Variants in STK32B observed in about 807,000 individuals in gnomAD.
STK32B encodes the protein serine/threonine-protein kinase 32B.
In STK32B, 43 loss-of-function variants were observed where a neutral mutation model predicts 52.6. The observed-to-expected ratio is 0.82, with a 90% confidence interval of 0.64 to 1.05. The LOEUF (loss-of-function observed/expected upper bound fraction) is 1.05. STK32B is among the 50% of genes least tolerant of loss of function. STK32B has a pLI of 0.00. For synonymous variants in STK32B, 238 were observed against 204.3 expected (o/e 1.17, Z -1.41); for missense variants, 621 against 534.6 (o/e 1.16, Z -1.59).
intron 3 of STK32B, among the ~76,000 whole-genome samples, chr4:5,271,942 A>G (rs1005478513): frequency 1.0e-4 from 15 of 148,144 alleles, no homozygotes; most frequent in Non-Finnish European, 1.9e-4. Context: ...CAATCATGTC[A>G]TCTGCAAACA....
chr4:5,187,694 T>C (rs537661555), intron 3 of STK32B, among the ~76,000 whole-genome samples: 1 of 152,178 alleles, frequency 6.6e-6, no homozygotes, highest in Admixed American at 6.5e-5. Flanking sequence ...GATTTCAAAC[T>C]AACAATATGG....
intron 1 of STK32B, among the ~76,000 whole-genome samples, chr4:5,126,606 T>A (rs1448212401): frequency 6.6e-6 from 1 of 152,246 alleles, no homozygotes; most frequent in Non-Finnish European, 1.5e-5. Context: ...GGAAACATCA[T>A]TTTGTCATTT....
At chr4:5,483,609 T>A (rs1718905218) in intron 11 of STK32B, among the ~76,000 whole-genome samples, 2 of 152,310 alleles carry the variant, frequency 1.3e-5, no homozygotes, top group East Asian at 3.9e-4. Flanking sequence ...CTGATCTTAG[T>A]TATTTCTTGC....
intron 2 of STK32B, among the ~76,000 whole-genome samples, chr4:5,165,213 C>G (rs570320391): frequency 1.5e-4 from 23 of 152,180 alleles, no homozygotes; most frequent in Non-Finnish European, 3.1e-4. Context: ...GCCAAGACCC[C>G]TGATCCTTGG....
chr4:5,038,369 T>C, the STK32B span, among the ~76,000 whole-genome samples: 1 of 152,218 alleles, frequency 6.6e-6, no homozygotes, highest in South Asian at 2.1e-4. Context: ...TAGTCATGCA[T>C]TGCTTAATGA....
intron 3 of STK32B, among the ~76,000 whole-genome samples, chr4:5,235,968 AGGAGGGGATG>A (rs1255493851): frequency 2.0e-5 from 3 of 152,042 alleles, no homozygotes; most frequent in Admixed American, 6.5e-5. Flanking sequence ...GGGGACCAGC[AGGAGGGGATG>A]GGAGGGGATT....
At chr4:5,073,409 A>C (rs1406261627) in intron 1 of STK32B, among the ~76,000 whole-genome samples, 1 of 152,014 alleles carries the variant, frequency 6.6e-6, no homozygotes, top group Non-Finnish European at 1.5e-5. Context: ...TAATAGTATA[A>C]TTCCATTTTC....
intron 1 of STK32B, among the ~76,000 whole-genome samples, chr4:5,088,940 C>G (rs990713140): frequency 1.3e-5 from 2 of 150,588 alleles, no homozygotes; most frequent in Non-Finnish European, 3.0e-5. Flanking sequence ...GGAAATGCTA[C>G]GAATTAGAAT....
chr4:5,170,348 G>T (rs923846728), intron 3 of STK32B, among the ~76,000 whole-genome samples: 2 of 152,010 alleles, frequency 1.3e-5, no homozygotes, highest in Non-Finnish European at 1.5e-5. Context: ...TAGGGTACAT[G>T]TGCACAACGT....
rs557365176 is a variant in STK32B at position 5,294,590 on chromosome 4, A to G, written c.261-36630A>G. On this transcript the variant is annotated intron_variant, in intron 3 of 11. Coordinates refer to ENST00000282908, the MANE Select transcript of STK32B (RefSeq NM_018401.3). ...CTCTCTGTTTGTCTGTTATTTGTGT[A>G]TAGGAACGCTTGTAATTTTTCCCAT... Among the ~76,000 whole-genome samples the G allele has an allele frequency of 2.1e-4, 32 of 152,228 alleles. 1 individual carries two copies. Among genetic ancestry groups the G allele is most frequent in the Admixed American group, 2.1e-3 (32 of 15,278 alleles).
At chr4:5,051,112 TG>T (rs1741753319), upstream of STK32B, among the ~76,000 whole-genome samples, 1 of 152,086 alleles carries the variant, frequency 6.6e-6, no homozygotes, top group Non-Finnish European at 1.5e-5. Context: ...CATCCCAATA[TG>T]AATGGGCAAA....
intron 2 of STK32B, among the ~76,000 whole-genome samples, chr4:5,167,157 C>T (rs540243129): frequency 7.0e-4 from 107 of 152,232 alleles, no homozygotes; most frequent in Admixed American, 1.0e-3. Context: ...TTTGATCCTG[C>T]GGAGAGCCTT....
At chr4:5,054,002 A>G (rs908926039) in intron 1 of STK32B, among the ~76,000 whole-genome samples, 2 of 150,736 alleles carry the variant, frequency 1.3e-5, no homozygotes, top group Admixed American at 6.6e-5. Flanking sequence ...TAAATAAATA[A>G]ATATAAATAA....
At chr4:5,213,904 A>G (rs1723041941) in intron 3 of STK32B, among the ~76,000 whole-genome samples, 1 of 152,230 alleles carries the variant, frequency 6.6e-6, no homozygotes, top group South Asian at 2.1e-4. Context: ...TAGTGATTTT[A>G]TGTCTGCTTT....
intron 1 of STK32B, among the ~76,000 whole-genome samples, chr4:5,060,040 C>T (rs1226286322): frequency 6.6e-6 from 1 of 152,166 alleles, no homozygotes. Flanking sequence ...GATCTTGGCT[C>T]ACCACAACCT....
chr4:5,191,007 G>T (rs1432265390), intron 3 of STK32B, among the ~76,000 whole-genome samples: 12 of 152,186 alleles, frequency 7.9e-5, no homozygotes, highest in Admixed American at 7.9e-4. Flanking sequence ...AATCAAAGTT[G>T]TTTGAAATTG....
intron 3 of STK32B, among the ~76,000 whole-genome samples, chr4:5,245,457 T>C (rs1351111069): frequency 1.3e-5 from 2 of 152,206 alleles, no homozygotes; most frequent in East Asian, 1.9e-4. Flanking sequence ...CCCTTTACTT[T>C]GAGCCTACGT....
At chr4:5,219,516 C>A (rs751313647) in intron 3 of STK32B, among the ~76,000 whole-genome samples, 1 of 152,236 alleles carries the variant, frequency 6.6e-6, no homozygotes, top group African/African-American at 2.4e-5. Flanking sequence ...TGAAGACAGA[C>A]AGCAGAGGGT....
At chr4:5,389,822 A>G (rs1396332568) in intron 4 of STK32B, among the ~76,000 whole-genome samples, 1 of 152,204 alleles carries the variant, frequency 6.6e-6, no homozygotes, top group Admixed American at 6.5e-5. Context: ...TTAGGTAAGG[A>G]TCAAGATGTG....
Sources: gnomAD v4.1 joint callset for allele counts (sites outside exome capture counted in the v4.1 genomes callset) on GRCh38, gnomAD v4.1.1 for gene constraint, MANE v1.5 for transcripts, NCBI Gene and HGNC (gene_info 2026-07-23, HGNC 2026-07-21) for gene names.